The following TSHZ2 variants were observed in gnomAD, a reference collection of about 807,000 sequenced individuals.
TSHZ2 encodes the protein teashirt zinc finger homeobox 2.
In TSHZ2, 21 loss-of-function variants were observed where a neutral mutation model predicts 74.4. The observed-to-expected ratio is 0.28, with a 90% CI of 0.20 to 0.41. The LOEUF (loss-of-function observed/expected upper bound fraction) is 0.41, where lower values mean the gene tolerates loss of function less well. TSHZ2 is among the 10% of genes least tolerant of loss of function. TSHZ2 has a pLI of 1.00. For missense variants in TSHZ2, 1,244 were observed against 1,293.5 expected (o/e 0.96, Z 0.59); for synonymous variants, 540 against 515.3 (o/e 1.05, Z -0.65).
At chr20:53,235,046 G>C (rs2426469) in intron 1 of TSHZ2, among the ~76,000 whole-genome samples, 104,892 of 150,456 alleles carry the variant, frequency 0.7, 37,671 homozygotes, top group African/African-American at 0.88. Context: ...TCCCCTAGGA[G>C]CGCACCTCGT....
intron 1 of TSHZ2, among the ~76,000 whole-genome samples, chr20:53,207,388 G>A (rs1380218551): frequency 6.6e-6 from 1 of 152,120 alleles, no homozygotes; most frequent in African/African-American, 2.4e-5. Flanking sequence ...GGAGTGACAG[G>A]TTCCCTCTCC....
Position 53,254,332 on chromosome 20 carries a change from G to C in TSHZ2, c.874G>C (p.Val292Leu). 1 of 1,614,138 alleles carries C rather than the reference G, an allele frequency of 6.2e-7. No homozygotes were observed. Among genetic ancestry groups the C allele is most frequent in the African/African-American group, 1.3e-5 (1 of 75,024 alleles). ...DSFDSLQDLS[V>L]HMIKTKHYQK... ...CTTTGATTCCCTCCAAGATTTGAGC[G>C]TCCACATGATTAAAACAAAACATTA... Residue 292 changes from valine (V) to leucine (L), a missense_variant, in exon 2 of 3, where the codon GTC (valine) becomes CTC (leucine). By Grantham distance (32) the Val-to-Leu change is conservative. Transcript: ENST00000371497.
rs114441606 is a variant in TSHZ2 at position 53,374,907 on chromosome 20, T to A, written c.*9-112237T>A. On this transcript the variant is annotated intron_variant, in intron 2 of 2. Transcript: ENST00000371497. ...TTTCACCCATGAGGTAGGTTGTCTGTATACTCTGTTGATATGAAAAAAAAA... is the reference window on the plus strand; with the variant it reads ...TTTCACCCATGAGGTAGGTTGTCTGAATACTCTGTTGATATGAAAAAAAAA... 4.9e-3 allele frequency among the ~76,000 whole-genome samples: 727 copies of A among 149,008 alleles called. 7 individuals carry two copies. The highest frequency in any genetic ancestry group is 0.017 in the African/African-American group (685 of 39,496).
intron 1 of TSHZ2, among the ~76,000 whole-genome samples, chr20:53,166,569 A>C (rs576135037): frequency 6.6e-6 from 1 of 152,170 alleles, no homozygotes; most frequent in African/African-American, 2.4e-5. Flanking sequence ...CCAGAAGTTC[A>C]AGACCAGCCT....
At position 53,131,834 on chromosome 20, in the gene TSHZ2, C is replaced by CAAAA. The variant is rs1333277654; in HGVS notation, c.41-121657_41-121654dup. On this transcript the variant is annotated intron_variant, in intron 1 of 2. Coordinates refer to ENST00000371497, the MANE Select transcript of TSHZ2 (RefSeq NM_173485.6). ...TTGAATGACAACCCCCCCCCCCCCC[C>CAAAA]AAAAAAAAAAAGCCACACTAGCAAT... Among the ~76,000 whole-genome samples the CAAAA allele has an allele frequency of 3.1e-4, 22 of 71,140 alleles. 1 individual carries two copies. The highest frequency in any genetic ancestry group is 8.9e-4 in the African/African-American group (22 of 24,796). The allele number at this position is 71,140 out of a possible 152,430, so 46.7% of individuals were successfully genotyped here. A position where few individuals can be genotyped will look rare whatever the true frequency, so the allele number is the denominator to read the frequency against.
intron 2 of TSHZ2, among the ~76,000 whole-genome samples, chr20:53,484,028 T>C (rs1005089003): frequency 2.0e-5 from 3 of 152,236 alleles, no homozygotes; most frequent in Non-Finnish European, 2.9e-5. Flanking sequence ...CACAGTGTAA[T>C]GCCATTGCAG....
chr20:53,389,128 A>G (rs1479643948), intron 2 of TSHZ2, among the ~76,000 whole-genome samples: 4 of 152,226 alleles, frequency 2.6e-5, no homozygotes, highest in Non-Finnish European at 5.9e-5. Context: ...GAGATTTTCC[A>G]AAAGTATGAA....
intron 2 of TSHZ2, among the ~76,000 whole-genome samples, chr20:53,425,368 C>T (rs1275532859): frequency 6.6e-6 from 1 of 152,206 alleles, no homozygotes; most frequent in Non-Finnish European, 1.5e-5. Flanking sequence ...AGACACTGGA[C>T]AGCAGAAGAG....
At chr20:53,353,484 A>G (rs1215715722) in intron 2 of TSHZ2, among the ~76,000 whole-genome samples, 1 of 152,238 alleles carries the variant, frequency 6.6e-6, no homozygotes. Flanking sequence ...TGTGAATGTC[A>G]TTCCCGTGCC....
chr20:53,203,087 A>C lies in TSHZ2; in HGVS notation c.41-50412A>C, dbSNP rs184200582. On this transcript the variant is annotated intron_variant, in intron 1 of 2. Transcript: ENST00000371497. ...GCTGTAGCTCTCCTTATATAACTTT[A>C]GCTGCTCCCTCAGATGAATCTATGG... Among the ~76,000 whole-genome samples, 9 of 152,288 alleles carry C rather than the reference A, an allele frequency of 5.9e-5. No individual in the cohort carries two copies. The East Asian group carries it at 1.2e-3, about 20-fold the overall frequency.
At chr20:53,440,416 A>AT (rs1984266464) in intron 2 of TSHZ2, among the ~76,000 whole-genome samples, 1 of 152,208 alleles carries the variant, frequency 6.6e-6, no homozygotes. Flanking sequence ...CTGATGCATC[A>AT]TTTCAGCTTG....
At chr20:53,225,129 A>G (rs771054092) in intron 1 of TSHZ2, among the ~76,000 whole-genome samples, 1 of 152,222 alleles carries the variant, frequency 6.6e-6, no homozygotes, top group African/African-American at 2.4e-5. Context: ...TAGTGAAAAC[A>G]GGCAGTGGGT....
At chr20:53,420,108 G>C (rs560690918) in intron 2 of TSHZ2, among the ~76,000 whole-genome samples, 1 of 152,180 alleles carries the variant, frequency 6.6e-6, no homozygotes, top group Non-Finnish European at 1.5e-5. Context: ...CTGCACTCCT[G>C]GTGTTCACAC....
chr20:53,304,938 C>CT (rs145371174), intron 2 of TSHZ2, among the ~76,000 whole-genome samples: 2,864 of 122,520 alleles, frequency 0.023, 65 homozygotes, highest in African/African-American at 0.071. Context: ...CCTTAATGAA[C>CT]TTTTTTTTTT....
chr20:53,130,965 A>G (rs914017603), intron 1 of TSHZ2, among the ~76,000 whole-genome samples: 1 of 152,238 alleles, frequency 6.6e-6, no homozygotes, highest in Non-Finnish European at 1.5e-5. Flanking sequence ...TTACAGAATC[A>G]GAAATATATT....
chr20:53,164,572 A>G (rs983208619), intron 1 of TSHZ2, among the ~76,000 whole-genome samples: 37 of 152,238 alleles, frequency 2.4e-4, no homozygotes, highest in African/African-American at 8.2e-4. Context: ...AGCACTAGGC[A>G]TCTGTGGCTG....
chr20:53,005,257 G>A (rs1268727351), intron 1 of TSHZ2, among the ~76,000 whole-genome samples: 2 of 152,098 alleles, frequency 1.3e-5, no homozygotes, highest in African/African-American at 2.4e-5. Flanking sequence ...AGATTGCCGT[G>A]AGCCAAGATC....
chr20:53,227,997 G>A (rs970054513), intron 1 of TSHZ2, among the ~76,000 whole-genome samples: 15 of 147,548 alleles, frequency 1.0e-4, no homozygotes, highest in African/African-American at 3.7e-4. Flanking sequence ...GCAAACTGCT[G>A]ATCTTTATAA....
chr20:53,131,706 A>T (rs1218820896), intron 1 of TSHZ2, among the ~76,000 whole-genome samples: 1 of 152,120 alleles, frequency 6.6e-6, no homozygotes, highest in African/African-American at 2.4e-5. Context: ...TTTTCCTAGA[A>T]ATTTGCAGCT....
Sources: gnomAD v4.1 joint callset for allele counts (sites outside exome capture counted in the v4.1 genomes callset) on GRCh38, gnomAD v4.1.1 for gene constraint, MANE v1.5 for transcripts, NCBI Gene and HGNC (gene_info 2026-07-23, HGNC 2026-07-21) for gene names.